ITPK1: variants seen among roughly 807,000 people sequenced by gnomAD.
ITPK1 encodes inositol-tetrakisphosphate 1-kinase.
In ITPK1, 21 loss-of-function variants were observed where a neutral mutation model predicts 45.3. The observed-to-expected ratio is 0.46, with a 90% CI of 0.33 to 0.67. ITPK1 has a LOEUF of 0.67. ITPK1 is among the 30% of genes least tolerant of loss of function. ITPK1 has a pLI of 0.02. For missense variants in ITPK1, 474 were observed against 573.5 expected (o/e 0.83, Z 1.77); for synonymous variants, 258 against 253.6 (o/e 1.02, Z -0.16).
At chr14:93,098,966 T>G (rs1032769692) in intron 2 of ITPK1, among the ~76,000 whole-genome samples, 2 of 152,146 alleles carry the variant, frequency 1.3e-5, no homozygotes, top group Admixed American at 6.5e-5. Context: ...ACCCATACTC[T>G]AACCAGGGCC....
At chr14:92,999,192 C>T (rs1566725401) in intron 4 of ITPK1, among the ~76,000 whole-genome samples, 2 of 152,358 alleles carry the variant, frequency 1.3e-5, no homozygotes, top group African/African-American at 4.8e-5. Flanking sequence ...GGGGCCCGGA[C>T]TGACCCCTAA....
chr14:93,015,784 G>A (rs963954881), intron 4 of ITPK1, among the ~76,000 whole-genome samples: 4 of 152,232 alleles, frequency 2.6e-5, no homozygotes, highest in South Asian at 2.1e-4. Flanking sequence ...GGGCCAAGGC[G>A]GCTGACCCCG....
In ITPK1 at chr14:92,941,935, C is replaced by T. The variant is rs527951029; in HGVS notation, c.902-31G>A. 32 of 1,595,104 alleles carry T rather than the reference C, an allele frequency of 2.0e-5. No homozygotes were observed. In the East Asian group the frequency reaches 2.9e-4, roughly 15 times the overall value. On this transcript the variant is annotated intron_variant, in intron 10 of 10. Coordinates refer to ENST00000267615, the MANE Select transcript of ITPK1 (RefSeq NM_014216.6). ...GGTGGGAGAGAGACAGCACAAGGGG[C>T]GTGAGCCAGGGGCACGCATCATGCA...
chr14:92,943,671 G>A (rs1887546273), intron 10 of ITPK1, among the ~76,000 whole-genome samples: 1 of 152,238 alleles, frequency 6.6e-6, no homozygotes, highest in Admixed American at 6.5e-5. Context: ...TTTCTGTGGT[G>A]GTGCAGAGAC....
At chr14:92,972,876 C>G (rs1015968445) in intron 5 of ITPK1, among the ~76,000 whole-genome samples, 1 of 152,228 alleles carries the variant, frequency 6.6e-6, no homozygotes, top group Non-Finnish European at 1.5e-5. Flanking sequence ...CAGGCATGAG[C>G]CACCGCGCCC....
intron 5 of ITPK1, among the ~76,000 whole-genome samples, chr14:92,982,656 C>T (rs1886292820): frequency 6.6e-6 from 1 of 152,226 alleles, no homozygotes; most frequent in African/African-American, 2.4e-5. Context: ...CTGACCCACC[C>T]ACCCATGAGA....
At chr14:92,972,637 G>A (rs1885719145) in intron 5 of ITPK1, among the ~76,000 whole-genome samples, 1 of 152,160 alleles carries the variant, frequency 6.6e-6, no homozygotes, top group South Asian at 2.1e-4. Flanking sequence ...CACCCAGGTT[G>A]GAGTGCAGAG....
At chr14:93,085,533 C>T (rs756872416) in intron 2 of ITPK1, among the ~76,000 whole-genome samples, 1 of 152,158 alleles carries the variant, frequency 6.6e-6, no homozygotes, top group Non-Finnish European at 1.5e-5. Context: ...GAGTGGGTGA[C>T]CCACCTTTGG....
chr14:93,058,013 C>G, intron 3 of ITPK1, among the ~76,000 whole-genome samples: 1 of 152,204 alleles, frequency 6.6e-6, no homozygotes, highest in East Asian at 1.9e-4. Flanking sequence ...GGTTGTCTGT[C>G]TCCCTGAGCT....
chr14:93,017,301 T>C (rs2139857730), intron 3 of ITPK1, among the ~76,000 whole-genome samples: 1 of 152,374 alleles, frequency 6.6e-6, no homozygotes, highest in African/African-American at 2.4e-5. Flanking sequence ...TTAGCAAAGC[T>C]GTGGTCCTCA....
intron 5 of ITPK1, among the ~76,000 whole-genome samples, chr14:92,978,725 G>C (rs1304653028): frequency 6.6e-6 from 1 of 152,140 alleles, no homozygotes; most frequent in Non-Finnish European, 1.5e-5. Flanking sequence ...TGGGCCTGCA[G>C]GTGTGCTGAA....
Position 92,952,007 on chromosome 14 carries a change from T to C in ITPK1, c.677A>G (p.Glu226Gly). The change falls in exon 9 of 11, where the codon GAG becomes GGG. Residue 226 changes from glutamate to glycine, a missense_variant. Around this residue, in one of 2 missense-constraint regions of ITPK1, gnomAD observed 367 missense variants for 480.6 expected, o/e 0.76. Transcript: ENST00000267615. ...KNFSAGTSDR[E>G]SIFFNSHNVS... ...GTTGTGGCTGTTGAAGAAGATGGACTCACGGTCTGAAAAAGCGACAGGAAG... is the reference window on the plus strand; with the variant it reads ...GTTGTGGCTGTTGAAGAAGATGGACCCACGGTCTGAAAAAGCGACAGGAAG... 1 of 1,569,950 alleles carries C rather than the reference T, an allele frequency of 6.4e-7. No individual in the cohort carries two copies. Among genetic ancestry groups the C allele is most frequent in the African/African-American group, 1.3e-5 (1 of 74,326 alleles).
chr14:93,100,537 G>GGAGA (rs369481573), intron 2 of ITPK1, among the ~76,000 whole-genome samples: 37 of 148,134 alleles, frequency 2.5e-4, no homozygotes, highest in African/African-American at 7.4e-4. Flanking sequence ...GAGAGAGGAG[G>GGAGA]GAGAGAGAGA....
At chr14:92,978,253 C>A (rs1421325559) in intron 5 of ITPK1, among the ~76,000 whole-genome samples, 1 of 151,950 alleles carries the variant, frequency 6.6e-6, no homozygotes, top group Non-Finnish European at 1.5e-5. Flanking sequence ...AGTAACAAAG[C>A]ATTCAAGACG....
At chr14:93,085,938 G>C (rs530630367) in intron 2 of ITPK1, among the ~76,000 whole-genome samples, 1 of 151,746 alleles carries the variant, frequency 6.6e-6, no homozygotes, top group Admixed American at 6.6e-5. Flanking sequence ...GTAGTGGGGG[G>C]TGCTGGCAGG....
At chr14:92,977,245 G>A (rs2139774653) in intron 5 of ITPK1, among the ~76,000 whole-genome samples, 1 of 152,314 alleles carries the variant, frequency 6.6e-6, no homozygotes, top group East Asian at 1.9e-4. Context: ...TTGAAGGTCT[G>A]CCATTTAAAA....
intron 3 of ITPK1, chr14:93,071,644 A>AT (rs1349217016): frequency 7.9e-5 from 12 of 152,204 alleles, no homozygotes; most frequent in Non-Finnish European, 1.5e-5. Context: ...GCGATTAGAG[A>AT]TTCGCCATCA....
intron 3 of ITPK1, among the ~76,000 whole-genome samples, chr14:93,042,234 C>T (rs1366249515): frequency 2.6e-5 from 4 of 152,220 alleles, no homozygotes; most frequent in Non-Finnish European, 5.9e-5. Flanking sequence ...ACTGGAAACA[C>T]GTTTTCTCTA....
intron 2 of ITPK1, among the ~76,000 whole-genome samples, chr14:93,109,387 A>G (rs1892653817): frequency 6.6e-6 from 1 of 152,244 alleles, no homozygotes; most frequent in Non-Finnish European, 1.5e-5. Flanking sequence ...ACTGGAACTC[A>G]GCAATGAGAA....
Sources: allele counts gnomAD v4.1 joint callset (sites outside exome capture counted in the v4.1 genomes callset), GRCh38; gene constraint gnomAD v4.1.1; regional missense constraint gnomAD v4.1.1; transcripts MANE v1.5; gene names NCBI Gene and HGNC (gene_info 2026-07-23, HGNC 2026-07-21).